The following ZCCHC8 variants were observed in gnomAD, a reference collection of about 807,000 sequenced individuals.
ZCCHC8 encodes the protein zinc finger CCHC domain-containing protein 8.
A neutral mutation model predicts 70.6 loss-of-function variants in ZCCHC8; 27 were observed. The observed-to-expected ratio is 0.38, with a 90% CI of 0.28 to 0.53. ZCCHC8 has a LOEUF of 0.53. Among genes scored for constraint, ZCCHC8 ranks in the 20% least tolerant of loss-of-function variants. ZCCHC8 has a pLI of 0.81. For synonymous variants in ZCCHC8, 293 were observed against 317.4 expected, an observed-to-expected ratio of 0.92 and a Z score of 0.82; for missense variants, 737 against 876.9, an observed-to-expected ratio of 0.84 and a Z score of 2.01.
intron 2 of ZCCHC8, among the ~76,000 whole-genome samples, chr12:122,495,621 G>A (rs1177174000): frequency 4.6e-5 from 7 of 151,992 alleles, no homozygotes; most frequent in Admixed American, 6.6e-5. Context: ...AAGCCGAGGC[G>A]GGTGGATCAT....
At chr12:122,496,174 T>TA (rs781616987) in intron 2 of ZCCHC8, among the ~76,000 whole-genome samples, 722 of 7,328 alleles carry the variant, frequency 0.099, 7 homozygotes, top group South Asian at 0.23. Context: ...CTCAAAAAAT[T>TA]TAAAAAAAAA....
Position 122,489,399 on chromosome 12 carries a change from T to A in ZCCHC8, c.488A>T (p.Lys163Met), listed in dbSNP as rs763065621. Residue 163 changes from lysine (K) to methionine (M), a missense_variant, in exon 5 of 14, where the codon AAG becomes ATG. Lys to Met is a moderately conservative substitution (Grantham distance 95, BLOSUM62 -1). Coordinates refer to ENST00000633063, the MANE Select transcript of ZCCHC8 (RefSeq NM_017612.5). ...VEESCAIKNN[K>M]EAFSVVGSVL... ...GTCCAAACTTACACTGAAAGCTTCC[T>A]TGTTGTTTTTAATGGCACAGGACTC... is the stretch of plus-strand genomic sequence containing the variant. 3.7e-6 allele frequency: 6 copies of A among 1,613,530 alleles called. No individual in the cohort carries two copies. In the African/African-American group the frequency reaches 8.0e-5, roughly 22 times the overall value.
Position 122,482,079 on chromosome 12 carries a change from A to T in ZCCHC8, c.741T>A (p.Asn247Lys). The T allele has an allele frequency of 1.9e-6, 3 of 1,607,862 alleles. No homozygotes were observed. The highest frequency in any genetic ancestry group is 2.5e-6 in the Non-Finnish European group (3 of 1,178,410). The change falls in exon 9 of 14, where the codon AAT (asparagine) becomes AAA (lysine). Residue 247 changes from asparagine (N) to lysine (K), a missense_variant. By Grantham distance (94) the Asn-to-Lys change is moderately conservative. Transcript: ENST00000633063. Reference protein sequence around the residue: ...HQMKDCPMPRNAARISEKRKE... With the variant: ...HQMKDCPMPRKAARISEKRKE... ...TTCTCTTTTCACTTATTCGAGCAGC[A>T]TTCCGAGGCTACATCATGACACATT...
In ZCCHC8 at chr12:122,473,459, C is replaced by G; in HGVS notation, c.*38G>C. On this transcript the variant is annotated 3_prime_UTR_variant, in exon 14 of 14. Coordinates refer to ENST00000633063, the MANE Select transcript of ZCCHC8 (RefSeq NM_017612.5). Reference sequence around the variant, plus strand: ...ACTTAATTAGTACTAATTAACGGAACAAAGTTATTAAATAGCTCTCAGTGC... The same window carrying G: ...ACTTAATTAGTACTAATTAACGGAAGAAAGTTATTAAATAGCTCTCAGTGC... The G allele has an allele frequency of 6.3e-7, 1 of 1,591,694 alleles. No individual in the cohort carries two copies. Among genetic ancestry groups the G allele is most frequent in the Non-Finnish European group, 8.6e-7 (1 of 1,168,288 alleles).
chr12:122,485,407 C>T (rs1177301469), intron 5 of ZCCHC8, among the ~76,000 whole-genome samples: 1 of 152,228 alleles, frequency 6.6e-6, no homozygotes, highest in Non-Finnish European at 1.5e-5. Flanking sequence ...AGCCACTGCG[C>T]CTGGCCTAAG....
rs867224395 is a variant in ZCCHC8 at position 122,472,389 on chromosome 12, T to C, written c.*1108A>G. Reference sequence around the variant, plus strand: ...CACCTGGCTAATTTTTGTATTTATGTAGAGATGGGGTTTTGCCATGTTGGC... The same window carrying C: ...CACCTGGCTAATTTTTGTATTTATGCAGAGATGGGGTTTTGCCATGTTGGC... On this transcript the variant is annotated 3_prime_UTR_variant, in exon 14 of 14. Coordinates refer to ENST00000633063, the MANE Select transcript of ZCCHC8 (RefSeq NM_017612.5). 1 of 152,182 alleles carries C rather than the reference T, an allele frequency of 6.6e-6. No homozygotes were observed. Among genetic ancestry groups the C allele is most frequent in the South Asian group, 2.1e-4 (1 of 4,832 alleles). 9.4% of individuals were successfully genotyped at this position (152,182 alleles called of 1,614,324 possible). A position where few individuals can be genotyped will look rare whatever the true frequency, so the allele number is the denominator to read the frequency against.
In ZCCHC8 at chr12:122,473,455, G is replaced by A. The variant is rs934890565; in HGVS notation, c.*42C>T. 34 of 1,580,388 alleles carry A rather than the reference G, an allele frequency of 2.2e-5. No individual in the cohort carries two copies. The highest frequency in any genetic ancestry group is 3.5e-5 in the South Asian group (3 of 86,616). ...ATCCACTTAATTAGTACTAATTAAC[G>A]GAACAAAGTTATTAAATAGCTCTCA... On this transcript the variant is annotated 3_prime_UTR_variant, in exon 14 of 14. Transcript: ENST00000633063.
chr12:122,481,336 T>G, intron 10 of ZCCHC8, 186 bp downstream of exon 10: 2 of 708,822 alleles, frequency 2.8e-6, no homozygotes, highest in Non-Finnish European at 4.3e-6. Flanking sequence ...AACCATCAGA[T>G]AATCTACAAA....
Position 122,473,929 on chromosome 12 carries a change from G to T in ZCCHC8, c.1692C>A (p.Asp564Glu). Residue 564 changes from aspartate to glutamate, a missense_variant, in exon 14 of 14, where the codon GAC becomes GAA. By Grantham distance (45) the Asp-to-Glu change is conservative (BLOSUM62 2). Coordinates refer to ENST00000633063, the MANE Select transcript of ZCCHC8 (RefSeq NM_017612.5). ...VASSPCPNEL[D>E]LPVPEGKTSE... ...ATGTTTTTCCCTCCGGGACAGGGAG[G>T]TCTAGCTCATTTGGACAAGGTGATG... 6.2e-7 allele frequency: 1 copy of T among 1,613,216 alleles called. No homozygotes were observed. The highest frequency in any genetic ancestry group is 1.3e-5 in the African/African-American group (1 of 74,980).
At position 122,481,507 on chromosome 12, in the gene ZCCHC8, C is replaced by T; in HGVS notation, c.1018+15G>A. 6.3e-7 allele frequency: 1 copy of T among 1,590,184 alleles called. No homozygotes were observed. Among genetic ancestry groups the T allele is most frequent in the Non-Finnish European group, 8.5e-7 (1 of 1,171,270 alleles). On this transcript the variant is annotated intron_variant, in intron 10 of 13. Coordinates refer to ENST00000633063, the MANE Select transcript of ZCCHC8 (RefSeq NM_017612.5). ...GAAACACTTAAGGTGACTTCTCTAA[C>T]TTAAGATACTATACCTTTTCCATCA...
At chr12:122,494,205 T>C (rs1420390883) in intron 2 of ZCCHC8, among the ~76,000 whole-genome samples, 4 of 152,158 alleles carry the variant, frequency 2.6e-5, no homozygotes, top group Non-Finnish European at 5.9e-5. Context: ...TTTCTTTTCC[T>C]GTACAGCATG....
chr12:122,480,320 G>C lies in ZCCHC8; in HGVS notation c.1019-9C>G, dbSNP rs1488276358. 3 of 1,602,726 alleles carry C rather than the reference G, an allele frequency of 1.9e-6. No homozygotes were observed. The East Asian group carries it at 6.7e-5, about 36-fold the overall frequency. On this transcript the variant is annotated splice_polypyrimidine_tract_variant and intron_variant, in intron 10 of 13. Transcript: ENST00000633063. ...TTCCCCATCAGTGCCATCTATTACA[G>C]ACCATAAAAAGTGTTAATATTGCTA...
rs1295023311 is a variant in ZCCHC8 at position 122,483,816 on chromosome 12, C to CA, written c.502-254dup. 3.0e-5 allele frequency: 11 copies of CA among 368,146 alleles called. No homozygotes were observed. The South Asian group carries it at 4.9e-4, about 16-fold the overall frequency. 22.8% of individuals were successfully genotyped at this position (368,146 alleles called of 1,614,324 possible). Reference sequence around the variant, plus strand: ...AGCTGCATTCTCTACAGAATTCAAACAAAAAATGAAAACCTTGACTCTCAT... The same window carrying CA: ...AGCTGCATTCTCTACAGAATTCAAACAAAAAAATGAAAACCTTGACTCTCAT... On this transcript the variant is annotated intron_variant, in intron 5 of 13. Transcript: ENST00000633063. This position sits in a 1 kb window ranked among gnomAD's most constrained non-coding sequence, Gnocchi z 4.4.
chr12:122,480,473 CTTT>C (rs63098963), intron 10 of ZCCHC8, 162 bp from the exon 11 acceptor site: 643 of 331,312 alleles, frequency 1.9e-3, no homozygotes, highest in Middle Eastern at 5.0e-3. Flanking sequence ...TAGGACAGAA[CTTT>C]TTTTTTTTTT....
At chr12:122,494,421 C>T (rs1484247294) in intron 2 of ZCCHC8, among the ~76,000 whole-genome samples, 1 of 151,290 alleles carries the variant, frequency 6.6e-6, no homozygotes, top group Admixed American at 6.6e-5. Flanking sequence ...ATTAGCCATG[C>T]GTGGTGGCAC....
intron 2 of ZCCHC8, among the ~76,000 whole-genome samples, chr12:122,494,594 G>A (rs1265505198): frequency 3.3e-5 from 5 of 150,524 alleles, no homozygotes; most frequent in Admixed American, 3.3e-4. Context: ...GGTGGCTCAC[G>A]CCTGTAATCC....
rs1957351724 is a variant in ZCCHC8 at position 122,473,498 on chromosome 12, T to C, written c.2123A>G (p.Ter708=). 2 of 1,612,832 alleles carry C rather than the reference T, an allele frequency of 1.2e-6. No individual in the cohort carries two copies. The highest frequency in any genetic ancestry group is 1.7e-6 in the Non-Finnish European group (2 of 1,179,316). ...NQQKNKKASE[*] is the part of the protein sequence containing the mutation. ...AGCTCTCAGTGCTAAGTCAAGCCATTATTCAGAGGCCTTTTTGTTTTTCTG... is the reference window on the plus strand; with the variant it reads ...AGCTCTCAGTGCTAAGTCAAGCCATCATTCAGAGGCCTTTTTGTTTTTCTG... Residue 708 remains the stop codon, a stop_retained_variant, in exon 14 of 14, where the codon TAA becomes TGA. Coordinates refer to ENST00000633063, the MANE Select transcript of ZCCHC8 (RefSeq NM_017612.5).
intron 5 of ZCCHC8, among the ~76,000 whole-genome samples, chr12:122,485,157 G>A (rs1437534927): frequency 6.6e-6 from 1 of 152,158 alleles, no homozygotes; most frequent in Non-Finnish European, 1.5e-5. Context: ...TGCCCAGGCT[G>A]GAGTGCCATG....
intron 8 of ZCCHC8, 32 bp downstream of exon 8, chr12:122,482,603 C>T (rs760708536): frequency 6.4e-7 from 1 of 1,566,076 alleles, no homozygotes. Flanking sequence ...AGCTCTTGTT[C>T]AAAGACTTTT....
Sources: gnomAD v4.1 joint callset for allele counts (sites outside exome capture counted in the v4.1 genomes callset) on GRCh38, gnomAD v4.1.1 for gene constraint, Gnocchi (gnomAD v3.1) non-coding constraint, MANE v1.5 for transcripts, NCBI Gene and HGNC (gene_info 2026-07-23, HGNC 2026-07-21) for gene names.